ADAMTSL1: variants seen among roughly 807,000 people sequenced by gnomAD.
ADAMTSL1 encodes ADAMTS like 1, also known as ADAMTS-like protein 1.
In ADAMTSL1, 126 loss-of-function variants were observed where a neutral mutation model predicts 201.8. The observed-to-expected ratio is 0.62, with a 90% CI of 0.54 to 0.72. The LOEUF (loss-of-function observed/expected upper bound fraction) is 0.72. Ranked by LOEUF, ADAMTSL1 falls within the 30% of genes least tolerant of loss-of-function variation. ADAMTSL1 has a pLI of 0.00. For synonymous variants in ADAMTSL1, 1,121 were observed against 903.4 expected (o/e 1.24, Z -4.32); for missense variants, 2,679 against 2,277.8 (o/e 1.18, Z -3.59).
At chr9:18,339,756 T>G (rs2132956247) in intron 2 of ADAMTSL1, among the ~76,000 whole-genome samples, 1 of 152,260 alleles carries the variant, frequency 6.6e-6, no homozygotes, top group South Asian at 2.1e-4. Flanking sequence ...TCCCCTTTTC[T>G]TCTACCTCCA....
intron 1 of ADAMTSL1, among the ~76,000 whole-genome samples, chr9:18,024,122 A>AT (rs1161266170): frequency 6.6e-6 from 1 of 151,920 alleles, no homozygotes; most frequent in Non-Finnish European, 1.5e-5. Context: ...CTACTGCTTT[A>AT]TTTTTTTATT....
intron 6 of ADAMTSL1, among the ~76,000 whole-genome samples, chr9:18,637,436 T>A (rs183979386): frequency 6.6e-5 from 10 of 152,268 alleles, no homozygotes; most frequent in African/African-American, 2.2e-4. Flanking sequence ...TGACTCTTCA[T>A]TGCGGAAGAA....
In ADAMTSL1 at chr9:18,905,754, C is replaced by T. The variant is rs372066452; in HGVS notation, c.4852-28C>T. The T allele has an allele frequency of 1.5e-4, 235 of 1,581,694 alleles. No homozygotes were observed. In the African/African-American group the frequency reaches 2.0e-3, roughly 14 times the overall value. The stretch of plus-strand genomic sequence containing the variant: ...CTCCACCCTTGACTTGGCTAATGTG[C>T]GGTATGTTACCTTTTTCTGCTTTCC... On this transcript the variant is annotated intron_variant, in intron 26 of 28. Coordinates refer to ENST00000380548, the MANE Select transcript of ADAMTSL1 (RefSeq NM_001040272.6).
chr9:18,328,493 G>A (rs770258342), intron 2 of ADAMTSL1, among the ~76,000 whole-genome samples: 24 of 152,022 alleles, frequency 1.6e-4, no homozygotes, highest in Admixed American at 5.2e-4. Context: ...TCCTAATAAC[G>A]TCATAACATA....
intron 2 of ADAMTSL1, among the ~76,000 whole-genome samples, chr9:18,177,003 A>G (rs1251361307): frequency 4.6e-5 from 7 of 152,216 alleles, no homozygotes; most frequent in Admixed American, 1.3e-4. Context: ...ATAGTTTGCA[A>G]TTATATTCCC....
At chr9:18,558,789 G>C (rs887862338) in intron 3 of ADAMTSL1, among the ~76,000 whole-genome samples, 1 of 151,754 alleles carries the variant, frequency 6.6e-6, no homozygotes, top group South Asian at 2.1e-4. Context: ...TCGTATGTTT[G>C]TTGGCCACAT....
intron 7 of ADAMTSL1, chr9:18,651,574 C>G (rs1828255475): frequency 6.6e-6 from 1 of 152,168 alleles, no homozygotes; most frequent in Non-Finnish European, 1.5e-5. Context: ...GCACTGATAA[C>G]AAGAGAACAC....
rs139189587 is a variant in ADAMTSL1 at position 18,160,544 on chromosome 9, C to T, written c.88-3318C>T. Among the ~76,000 whole-genome samples, 407 of 152,080 alleles carry T rather than the reference C, an allele frequency of 2.7e-3. 3 individuals carry two copies. The highest frequency in any genetic ancestry group is 9.3e-3 in the African/African-American group (386 of 41,520). On this transcript the variant is annotated intron_variant, in intron 1 of 29. Coordinates refer to the ADAMTSL1 transcript ENST00000680146. The stretch of plus-strand genomic sequence containing the variant: ...AACTTTAATGCATTTTTATTGTACG[C>T]TAAGTACCTTAAAACTGCAAGGTGT...
chr9:18,905,150 G>C (rs1005663719), intron 26 of ADAMTSL1, among the ~76,000 whole-genome samples: 3 of 152,278 alleles, frequency 2.0e-5, no homozygotes, highest in African/African-American at 7.2e-5. Flanking sequence ...TTGGCTAAAG[G>C]CCTGCTGCTT....
chr9:18,606,365 G>C (rs1389219663), intron 4 of ADAMTSL1, among the ~76,000 whole-genome samples: 1 of 152,108 alleles, frequency 6.6e-6, no homozygotes, highest in Admixed American at 6.6e-5. Flanking sequence ...AGTGCCTTTA[G>C]CTTGGTGCTG....
At chr9:18,647,828 A>G (rs1827920565) in intron 7 of ADAMTSL1, among the ~76,000 whole-genome samples, 1 of 151,682 alleles carries the variant, frequency 6.6e-6, no homozygotes, top group South Asian at 2.1e-4. Context: ...ATTTTGGAAT[A>G]GGTGTGGTGT....
chr9:18,169,907 C>A (rs1827814391), intron 2 of ADAMTSL1, among the ~76,000 whole-genome samples: 1 of 151,544 alleles, frequency 6.6e-6, no homozygotes, highest in African/African-American at 2.4e-5. Context: ...CCTATTTAAT[C>A]TTTGGTTTTT....
chr9:18,399,318 T>TATAC lies in ADAMTSL1; in HGVS notation c.208-105508_208-105507insCATA, dbSNP rs1554672312. ...ATATATATATATATATATATATATA[T>TATAC]ATATATATATAAAATTATTATTTTC... On this transcript the variant is annotated intron_variant, in intron 2 of 29. Coordinates refer to the ADAMTSL1 transcript ENST00000680146. 9.1e-3 allele frequency among the ~76,000 whole-genome samples: 917 copies of TATAC among 100,760 alleles called. 56 individuals carry two copies. Among genetic ancestry groups the TATAC allele is most frequent in the South Asian group, 0.022 (59 of 2,648 alleles). The allele number at this position is 100,760 out of a possible 152,430, so 66.1% of individuals were successfully genotyped here. A position where few individuals can be genotyped will look rare whatever the true frequency, so the allele number is the denominator to read the frequency against.
chr9:18,825,139 C>A (rs369054355), intron 21 of ADAMTSL1, among the ~76,000 whole-genome samples: 11 of 152,134 alleles, frequency 7.2e-5, no homozygotes, highest in South Asian at 2.1e-4. Context: ...CACATATCTT[C>A]AGTCTCTCAA....
rs138045248 is a variant in ADAMTSL1, at chr9:18,801,685, A to G, written c.3805+6161A>G. 3.7e-3 allele frequency among the ~76,000 whole-genome samples: 567 copies of G among 152,324 alleles called. 3 individuals are homozygous for G. Among genetic ancestry groups the G allele is most frequent in the African/African-American group, 0.013 (526 of 41,564 alleles). ...CCTCCAGCTCCATCCATGTTCCTGC[A>G]AAAGACATGATCTTGTTCCTTTTTA... On this transcript the variant is annotated intron_variant, in intron 20 of 28. Coordinates refer to ENST00000380548, the MANE Select transcript of ADAMTSL1 (RefSeq NM_001040272.6).
At chr9:18,008,690 C>T (rs1008583811) in intron 1 of ADAMTSL1, among the ~76,000 whole-genome samples, 1 of 151,812 alleles carries the variant, frequency 6.6e-6, no homozygotes, top group East Asian at 2.0e-4. Context: ...CTCAATGGTC[C>T]CACCTTAGCA....
At chr9:18,889,942 T>C (rs1270117467) in intron 25 of ADAMTSL1, among the ~76,000 whole-genome samples, 194 bp downstream of exon 25, 1 of 152,004 alleles carries the variant, frequency 6.6e-6, no homozygotes, top group Non-Finnish European at 1.5e-5. Flanking sequence ...GCCACCTCTC[T>C]CAGCTTTGTT....
Position 17,906,745 on chromosome 9 carries a change from C to G in ADAMTSL1, c.-91C>G, listed in dbSNP as rs1188753428. Reference sequence around the variant, plus strand: ...CCCGAGCCCGCCTGCCGGCCGCCGCCGCGGAGCCACCGCAATCAGCGCAGG... The same window carrying G: ...CCCGAGCCCGCCTGCCGGCCGCCGCGGCGGAGCCACCGCAATCAGCGCAGG... On this transcript the variant is annotated 5_prime_UTR_variant, in exon 1 of 30. Transcript: ENST00000680146. The G allele has an allele frequency of 3.9e-5, 6 of 153,022 alleles. No individual in the cohort carries two copies. In the East Asian group the frequency reaches 1.2e-3, roughly 30 times the overall value. The allele number at this position is 153,022 out of a possible 1,614,324, so 9.5% of individuals were successfully genotyped here. A position where few individuals can be genotyped will look rare whatever the true frequency, so the allele number is the denominator to read the frequency against.
At chr9:18,671,644 T>C (rs564696856) in intron 9 of ADAMTSL1, among the ~76,000 whole-genome samples, 29 of 152,174 alleles carry the variant, frequency 1.9e-4, no homozygotes, top group African/African-American at 6.7e-4. Context: ...TATCAGGAAA[T>C]CAGAAACGAA....
Sources: gnomAD v4.1 joint callset for allele counts (sites outside exome capture counted in the v4.1 genomes callset) on GRCh38, gnomAD v4.1.1 for gene constraint, MANE v1.5 for transcripts, NCBI Gene and HGNC (gene_info 2026-07-23, HGNC 2026-07-21) for gene names.